EIF3F: variants seen among roughly 807,000 people sequenced by gnomAD.
EIF3F encodes eukaryotic translation initiation factor 3 subunit F.
Under a neutral mutation model 36.0 loss-of-function variants are expected in EIF3F, and 8 were observed. The ratio of observed to expected loss-of-function variants is 0.22; its 90% CI spans 0.13 to 0.40. The LOEUF (loss-of-function observed/expected upper bound fraction) is 0.40. EIF3F is among the 10% of genes least tolerant of loss of function. The probability of loss-of-function intolerance (pLI) is 1.00; values close to 1 mark genes in which losing one functional copy is unlikely to be tolerated. For missense variants in EIF3F, 430 were observed against 467.6 expected (o/e 0.92, Z 0.74); for synonymous variants, 184 against 188.5 (o/e 0.98, Z 0.19).
chr11:7,993,893 G>GTA (rs1942129722), intron 4 of EIF3F, among the ~76,000 whole-genome samples: 1 of 151,850 alleles, frequency 6.6e-6, no homozygotes. Context: ...CTATATATAT[G>GTA]TATATATATG....
chr11:7,994,573 G>T, intron 5 of EIF3F, 56 bp downstream of exon 5: 7 of 1,528,450 alleles, frequency 4.6e-6, no homozygotes, highest in Non-Finnish European at 5.4e-6. Context: ...AGGGAAGGGG[G>T]CTGCTAGTCT....
intron 5 of EIF3F, 151 bp downstream of exon 5, chr11:7,994,668 G>T: frequency 1.3e-6 from 1 of 755,184 alleles, no homozygotes; most frequent in Non-Finnish European, 2.1e-6. Context: ...GTCATCTCTT[G>T]TATAAATGGG....
chr11:7,987,694 C>T lies in EIF3F; in HGVS notation c.342C>T (p.Ala114=), dbSNP rs12421289. ...ACGAGAGACGCAACGAGGGTGCTGCCCGAGTTATCGGGACCCTGTTGGGTG... is the reference window on the plus strand; with the variant it reads ...ACGAGAGACGCAACGAGGGTGCTGCTCGAGTTATCGGGACCCTGTTGGGTG... ...DSYERRNEGA[A]RVIGTLLGTV... is the part of the protein sequence containing the mutation. Residue 114 remains alanine, a synonymous_variant, in exon 1 of 8, where the codon GCC becomes GCT. Coordinates refer to ENST00000651655, the MANE Select transcript of EIF3F (RefSeq NM_003754.3). 243,701 of 1,512,704 alleles carry T rather than the reference C, an allele frequency of 0.16. 21,696 individuals carry two copies. Among genetic ancestry groups the T allele is most frequent in the Middle Eastern group, 0.21 (1,125 of 5,348 alleles). 93.7% of individuals were successfully genotyped at this position (1,512,704 alleles called of 1,614,324 possible).
intron 1 of EIF3F, among the ~76,000 whole-genome samples, chr11:7,991,393 A>G (rs925627664): frequency 5.3e-5 from 8 of 152,200 alleles, no homozygotes; most frequent in East Asian, 1.9e-4. Context: ...CTTGGCCACT[A>G]TATTAGCAGT....
rs1295274216 is a variant in EIF3F, at chr11:8,001,545, G to A, written c.*5523G>A. 6.6e-6 allele frequency: 1 copy of A among 152,172 alleles called. No individual in the cohort carries two copies. Among genetic ancestry groups the A allele is most frequent in the Non-Finnish European group, 1.5e-5 (1 of 68,042 alleles). The allele number at this position is 152,172 out of a possible 1,614,324, so 9.4% of individuals were successfully genotyped here. A position where few individuals can be genotyped will look rare whatever the true frequency, so the allele number is the denominator to read the frequency against. The stretch of plus-strand genomic sequence containing the variant: ...TATCCATAAAACACAATACTATGCA[G>A]CTGTTAAGCAGAATGAGACAGTCCT... On this transcript the variant is annotated 3_prime_UTR_variant, in exon 8 of 8. Transcript: ENST00000651655.
At chr11:7,992,752 T>C (rs1215765024) in intron 3 of EIF3F, 135 bp from the exon 4 acceptor site, 1 of 1,090,216 alleles carries the variant, frequency 9.2e-7, no homozygotes, top group African/African-American at 1.6e-5. Flanking sequence ...GGTGTGTGTA[T>C]TGCTCTTGGC....
At chr11:7,994,403 T>C (rs758877237) in intron 4 of EIF3F, 23 bp from the exon 5 acceptor site, 2 of 1,609,646 alleles carry the variant, frequency 1.2e-6, no homozygotes, top group African/African-American at 1.3e-5. Flanking sequence ...GCCATCTGTT[T>C]ACTTTGGCTT....
intron 3 of EIF3F, 26 bp from the exon 4 acceptor site, chr11:7,992,861 G>A (rs780085811): frequency 1.9e-6 from 3 of 1,613,452 alleles, no homozygotes; most frequent in Non-Finnish European, 2.5e-6. Flanking sequence ...ATAGACAGGA[G>A]TCCACCACTG....
intron 5 of EIF3F, chr11:7,994,777 C>G: frequency 1.3e-6 from 1 of 759,786 alleles, no homozygotes; most frequent in Non-Finnish European, 2.1e-6. Context: ...ATGAGCATAC[C>G]AGGTAAAAGG....
chr11:7,988,141 C>T (rs918638224), intron 1 of EIF3F, among the ~76,000 whole-genome samples: 2 of 152,206 alleles, frequency 1.3e-5, no homozygotes, highest in Non-Finnish European at 2.9e-5. Context: ...ATATTTCTCC[C>T]TTATCCACTG....
chr11:7,992,228 C>T, intron 3 of EIF3F, 65 bp downstream of exon 3: 3 of 1,362,210 alleles, frequency 2.2e-6, no homozygotes, highest in Non-Finnish European at 3.1e-6. Flanking sequence ...GTGTCTTTTG[C>T]TACTGGACTG....
rs921815406 is a variant in EIF3F at position 7,987,843 on chromosome 11, T to A, written c.364+127T>A. ...CTTTCCTCCCATCCCCAATGACCTC[T>A]TAATCTATATCTGCATCCTACCTTT... On this transcript the variant is annotated intron_variant, in intron 1 of 7. Transcript: ENST00000651655. 1.4e-5 allele frequency: 18 copies of A among 1,320,138 alleles called. No homozygotes were observed. In the African/African-American group the frequency reaches 2.6e-4, roughly 19 times the overall value. 81.8% of individuals were successfully genotyped at this position (1,320,138 alleles called of 1,614,324 possible).
In EIF3F at chr11:7,987,339, T is replaced by C. The variant is rs370284767; in HGVS notation, c.-14T>C. 42 of 1,588,010 alleles carry C rather than the reference T, an allele frequency of 2.6e-5. No homozygotes were observed. In the African/African-American group the frequency reaches 5.0e-4, roughly 19 times the overall value. ...GCTGTCATTTCCGCTTCCGCCTCCT[T>C]CTTTCTCGACAAGATGGCCACACCG... is the stretch of plus-strand genomic sequence containing the variant. On this transcript the variant is annotated 5_prime_UTR_variant, in exon 1 of 8. Coordinates refer to ENST00000651655, the MANE Select transcript of EIF3F (RefSeq NM_003754.3).
chr11:7,991,554 T>G (rs1942095927), intron 1 of EIF3F, among the ~76,000 whole-genome samples: 1 of 152,144 alleles, frequency 6.6e-6, no homozygotes, highest in Non-Finnish European at 1.5e-5. Context: ...AAAGGAAGAA[T>G]AAACCCTATT....
chr11:7,987,907 C>T (rs1942047271), intron 1 of EIF3F, 191 bp downstream of exon 1: 7 of 799,016 alleles, frequency 8.8e-6, no homozygotes, highest in South Asian at 8.5e-5. Context: ...CATCTCTCCT[C>T]TCTCTCCTGC....
intron 4 of EIF3F, 117 bp from the exon 5 acceptor site, chr11:7,994,309 C>A: frequency 1.2e-6 from 1 of 863,396 alleles, no homozygotes; most frequent in Non-Finnish European, 1.8e-6. Flanking sequence ...TTTGGTCCCA[C>A]CCTTTCTATC....
At chr11:7,994,941 CCCA>C (rs749770687) in intron 5 of EIF3F, 38 bp from the exon 6 acceptor site, 1 of 1,606,294 alleles carries the variant, frequency 6.2e-7, no homozygotes, top group Non-Finnish European at 8.5e-7. Context: ...TCTCTTACTG[CCCA>C]CCACTGCCGC....
intron 7 of EIF3F, 175 bp from the exon 8 acceptor site, chr11:7,995,770 T>G (rs1360504438): frequency 2.9e-6 from 2 of 682,850 alleles, no homozygotes; most frequent in Non-Finnish European, 5.3e-6. Flanking sequence ...AAGAAAGCCT[T>G]CTCAAGCATT....
rs892106157 is a variant in EIF3F at position 7,999,642 on chromosome 11, C to T, written c.*3620C>T. The T allele has an allele frequency of 1.3e-5, 2 of 151,804 alleles. No individual in the cohort carries two copies. The highest frequency in any genetic ancestry group is 2.9e-5 in the Non-Finnish European group (2 of 67,980). 9.4% of individuals were successfully genotyped at this position (151,804 alleles called of 1,614,324 possible). ...TACTGGTCCATAAAAGAACATAAAACCAAATAGTTCAGTAGACTCAAAATG... is the reference window on the plus strand; with the variant it reads ...TACTGGTCCATAAAAGAACATAAAATCAAATAGTTCAGTAGACTCAAAATG... On this transcript the variant is annotated 3_prime_UTR_variant, in exon 8 of 8. Coordinates refer to ENST00000651655, the MANE Select transcript of EIF3F (RefSeq NM_003754.3).
Sources: gnomAD v4.1 joint callset for allele counts (sites outside exome capture counted in the v4.1 genomes callset) on GRCh38, gnomAD v4.1.1 for gene constraint, MANE v1.5 for transcripts, NCBI Gene and HGNC (gene_info 2026-07-23, HGNC 2026-07-21) for gene names.